VPS26C: variants seen among roughly 807,000 people sequenced by gnomAD.
VPS26C encodes VPS26 endosomal protein sorting factor C, also known as vacuolar protein sorting-associated protein 26C.
In VPS26C, 19 loss-of-function variants were observed where a neutral mutation model predicts 30.6. The observed-to-expected ratio is 0.62, with a 90% CI of 0.43 to 0.91. VPS26C has a LOEUF of 0.91. Ranked by LOEUF, VPS26C falls within the 40% of genes least tolerant of loss-of-function variation. VPS26C has a pLI of 0.00. For missense variants in VPS26C, 318 were observed against 385.1 expected (o/e 0.83, Z 1.46); for synonymous variants, 132 against 151.5 (o/e 0.87, Z 0.95).
At chr21:37,259,057 A>C (rs1362054384) in intron 1 of VPS26C, among the ~76,000 whole-genome samples, 5 of 152,174 alleles carry the variant, frequency 3.3e-5, no homozygotes, top group Admixed American at 1.3e-4. Flanking sequence ...GTATTCCTAA[A>C]AGGTTCATAC....
intron 3 of VPS26C, among the ~76,000 whole-genome samples, chr21:37,235,855 A>C (rs1221335019): frequency 3.5e-5 from 1 of 28,180 alleles, no homozygotes; most frequent in Non-Finnish European, 5.7e-5. Context: ...GTGTGTGTAT[A>C]TATATATATA....
intron 3 of VPS26C, among the ~76,000 whole-genome samples, chr21:37,237,981 C>A (rs2086042463): frequency 6.6e-6 from 1 of 152,200 alleles, no homozygotes; most frequent in Non-Finnish European, 1.5e-5. Flanking sequence ...TCAAAGACGT[C>A]CCTTAACCAG....
chr21:37,240,931 C>CA (rs1381505640), intron 1 of VPS26C, among the ~76,000 whole-genome samples: 1 of 152,156 alleles, frequency 6.6e-6, no homozygotes, highest in Non-Finnish European at 1.5e-5. Flanking sequence ...TGGGGAATCT[C>CA]AACAGATGTC....
chr21:37,231,015 T>C (rs565740444), intron 5 of VPS26C, among the ~76,000 whole-genome samples: 1 of 152,232 alleles, frequency 6.6e-6, no homozygotes, highest in African/African-American at 2.4e-5. Flanking sequence ...ACAAGCTGCC[T>C]ACAAACACCC....
chr21:37,260,452 C>T (rs536010255), intron 1 of VPS26C, among the ~76,000 whole-genome samples: 5 of 152,208 alleles, frequency 3.3e-5, no homozygotes, highest in African/African-American at 1.2e-4. Context: ...CAGGCCAAGG[C>T]AGGAGGATTG....
rs1569230655 is a variant in VPS26C, at chr21:37,228,298, C to T, written c.583G>A (p.Gly195Arg). ...TCCGAGCTCTCCACCACCAGCTCTCCCGTTAGTGGCTGCGTGATGACACAG... is the reference window on the plus strand; with the variant it reads ...TCCGAGCTCTCCACCACCAGCTCTCTCGTTAGTGGCTGCGTGATGACACAG... ...TNCVITQPLT[G>R]ELVVESSEAA... Residue 195 changes from glycine (G) to arginine (R), a missense_variant, in exon 6 of 8, where the codon GGA (glycine) becomes AGA (arginine). Coordinates refer to ENST00000309117, the MANE Select transcript of VPS26C (RefSeq NM_006052.2). 6.2e-7 allele frequency: 1 copy of T among 1,614,190 alleles called. No individual in the cohort carries two copies. Among genetic ancestry groups the T allele is most frequent in the Non-Finnish European group, 8.5e-7 (1 of 1,180,026 alleles).
intron 1 of VPS26C, 43 bp from the exon 2 acceptor site, chr21:37,240,682 C>G: frequency 6.2e-7 from 1 of 1,600,932 alleles, no homozygotes; most frequent in South Asian, 1.1e-5. Context: ...AGCATGCTTC[C>G]TCCATTCTAC....
intron 3 of VPS26C, among the ~76,000 whole-genome samples, chr21:37,235,680 T>A (rs973201964): frequency 4.0e-5 from 6 of 151,742 alleles, no homozygotes; most frequent in Admixed American, 1.3e-4. Context: ...TACGGAAGAC[T>A]CTGATGATCA....
At chr21:37,249,621 A>G (rs994485826) in intron 1 of VPS26C, among the ~76,000 whole-genome samples, 2 of 152,230 alleles carry the variant, frequency 1.3e-5, no homozygotes, top group Non-Finnish European at 2.9e-5. Flanking sequence ...CCCTTAACAA[A>G]TCTACTTTCC....
intron 5 of VPS26C, among the ~76,000 whole-genome samples, chr21:37,232,136 G>T (rs1177025369): frequency 2.6e-5 from 4 of 152,218 alleles, no homozygotes; most frequent in Admixed American, 1.3e-4. Context: ...AGGGAAAATG[G>T]TGAGATTAAT....
chr21:37,267,101 C>A, intron 1 of VPS26C, 137 bp downstream of exon 1: 5 of 825,208 alleles, frequency 6.1e-6, no homozygotes, highest in Admixed American at 2.0e-5. Flanking sequence ...GGGAACGCAC[C>A]CACCTTGGCG....
intron 1 of VPS26C, among the ~76,000 whole-genome samples, chr21:37,256,016 A>G (rs9980435): frequency 0.025 from 3,812 of 152,104 alleles, 88 homozygotes; most frequent in Non-Finnish European, 0.038. Context: ...TTGTATTTTT[A>G]GTAGAGACAG....
intron 1 of VPS26C, among the ~76,000 whole-genome samples, chr21:37,265,121 G>C (rs909061596): frequency 1.3e-5 from 2 of 152,166 alleles, no homozygotes; most frequent in East Asian, 1.9e-4. Context: ...GACTGCCAGG[G>C]GTCAGGAGGG....
At position 37,233,481 on chromosome 21, in the gene VPS26C, G is replaced by A. The variant is rs555453988; in HGVS notation, c.352-39C>T. On this transcript the variant is annotated intron_variant, in intron 3 of 7. Coordinates refer to ENST00000309117, the MANE Select transcript of VPS26C (RefSeq NM_006052.2). The surrounding 1 kb of genome is among the most constrained non-coding windows in gnomAD (Gnocchi z 5.2). ...TTGGAGGAAAAAAGTTCATTTTAGT[G>A]GGATTTGCTTTCATCTTGGAATTAT... The A allele has an allele frequency of 1.7e-5, 25 of 1,460,548 alleles. No individual in the cohort carries two copies. In the East Asian group the frequency reaches 5.7e-4, roughly 33 times the overall value. The allele number at this position is 1,460,548 out of a possible 1,614,324, so 90.5% of individuals were successfully genotyped here. A position where few individuals can be genotyped will look rare whatever the true frequency, so the allele number is the denominator to read the frequency against.
At chr21:37,264,155 C>G (rs192042121) in intron 1 of VPS26C, among the ~76,000 whole-genome samples, 1 of 152,332 alleles carries the variant, frequency 6.6e-6, no homozygotes, top group East Asian at 1.9e-4. Context: ...ATAACTTTCT[C>G]TTTTCTGTCG....
Position 37,224,776 on chromosome 21 carries a change from G to T in VPS26C, c.*768C>A. ...CAAGGCGGGTGGGTCACGAGGTCAG[G>T]AGTTCAAGACCAGCCTGGCCAAGAT... On this transcript the variant is annotated 3_prime_UTR_variant, in exon 8 of 8. Coordinates refer to ENST00000309117, the MANE Select transcript of VPS26C (RefSeq NM_006052.2). 6.6e-6 allele frequency: 1 copy of T among 152,214 alleles called. No individual in the cohort carries two copies. The highest frequency in any genetic ancestry group is 1.5e-5 in the Non-Finnish European group (1 of 68,082). 9.4% of individuals were successfully genotyped at this position (152,214 alleles called of 1,614,324 possible). A position where few individuals can be genotyped will look rare whatever the true frequency, so the allele number is the denominator to read the frequency against.
chr21:37,244,743 A>C (rs1300189169), intron 1 of VPS26C, among the ~76,000 whole-genome samples: 1 of 152,220 alleles, frequency 6.6e-6, no homozygotes, highest in Non-Finnish European at 1.5e-5. Flanking sequence ...GGAGATAGCT[A>C]AATACCATGA....
chr21:37,245,555 C>T (rs948458439), intron 1 of VPS26C, among the ~76,000 whole-genome samples: 2 of 152,190 alleles, frequency 1.3e-5, no homozygotes, highest in African/African-American at 4.8e-5. Flanking sequence ...CCCTGACTGA[C>T]TGCGCTCTGT....
chr21:37,265,918 T>A (rs2086355726), intron 1 of VPS26C, among the ~76,000 whole-genome samples: 1 of 141,418 alleles, frequency 7.1e-6, no homozygotes, highest in African/African-American at 2.7e-5. Context: ...CTCTTTTTTT[T>A]TTTTTTTTTT....
Sources: gnomAD v4.1 joint callset for allele counts (sites outside exome capture counted in the v4.1 genomes callset) on GRCh38, gnomAD v4.1.1 for gene constraint, Gnocchi (gnomAD v3.1) non-coding constraint, MANE v1.5 for transcripts, NCBI Gene and HGNC (gene_info 2026-07-23, HGNC 2026-07-21) for gene names.